PLA2R1: variants seen among roughly 807,000 people sequenced by gnomAD.
The protein encoded by PLA2R1 is secretory phospholipase A2 receptor.
A neutral mutation model predicts 195.9 loss-of-function variants in PLA2R1; 158 were observed. The ratio of observed to expected loss-of-function variants is 0.81; its 90% CI spans 0.71 to 0.92. The LOEUF is 0.92. Among genes scored for constraint, PLA2R1 ranks in the 40% least tolerant of loss-of-function variants. PLA2R1 has a pLI of 0.00. For missense variants in PLA2R1, 1,626 were observed against 1,764.6 expected (o/e 0.92, Z 1.41); for synonymous variants, 586 against 598.2 (o/e 0.98, Z 0.30).
chr2:160,028,453 T>C (rs1043843298), intron 5 of PLA2R1, 92 bp from the exon 6 acceptor site: 8 of 878,918 alleles, frequency 9.1e-6, no homozygotes, highest in Admixed American at 6.9e-5. Context: ...GGGGACAGCG[T>C]TTCTATTTGT....
At chr2:159,971,338 T>G (rs1689162530) in intron 17 of PLA2R1, among the ~76,000 whole-genome samples, 1 of 152,132 alleles carries the variant, frequency 6.6e-6, no homozygotes, top group South Asian at 2.1e-4. Context: ...AATAGAAGAC[T>G]TGAACAACAA....
intron 1 of PLA2R1, among the ~76,000 whole-genome samples, chr2:160,058,839 G>C (rs990653674): frequency 6.6e-6 from 1 of 152,170 alleles, no homozygotes; most frequent in African/African-American, 2.4e-5. Context: ...AGGCCAATGG[G>C]GTGGTGGGGT....
chr2:159,997,518 T>G (rs1358094090), intron 11 of PLA2R1, among the ~76,000 whole-genome samples: 1 of 152,078 alleles, frequency 6.6e-6, no homozygotes, highest in East Asian at 1.9e-4. Context: ...GCTGGAAGCA[T>G]TAGGCAATTT....
intron 6 of PLA2R1, among the ~76,000 whole-genome samples, chr2:160,024,681 T>C (rs1326202614): frequency 1.3e-5 from 2 of 152,166 alleles, no homozygotes; most frequent in South Asian, 2.1e-4. Flanking sequence ...CTGTGCCTTG[T>C]AGGGCTTGGC....
chr2:160,035,334 T>C (rs1359898709), intron 3 of PLA2R1, among the ~76,000 whole-genome samples: 1 of 152,168 alleles, frequency 6.6e-6, no homozygotes, highest in Non-Finnish European at 1.5e-5. Flanking sequence ...CTCTAAGGAC[T>C]GCTTTGGCAG....
At chr2:159,984,452 G>T (rs1466910776) in intron 12 of PLA2R1, among the ~76,000 whole-genome samples, 1 of 152,136 alleles carries the variant, frequency 6.6e-6, no homozygotes, top group African/African-American at 2.4e-5. Context: ...CTATAAACTG[G>T]CAGAGCTAGA....
downstream of PLA2R1, chr2:159,931,953 T>G (rs534226149): frequency 1.3e-5 from 2 of 152,358 alleles, no homozygotes; most frequent in South Asian, 4.1e-4. Flanking sequence ...TTTTTTGATT[T>G]CCTGACCAAC....
At chr2:160,037,561 T>C (rs997069487) in intron 3 of PLA2R1, among the ~76,000 whole-genome samples, 2 of 152,216 alleles carry the variant, frequency 1.3e-5, no homozygotes, top group African/African-American at 2.4e-5. Context: ...GGTTAGAGCA[T>C]GTGCCTGGTG....
chr2:159,967,310 TG>T (rs1688854560), intron 20 of PLA2R1, among the ~76,000 whole-genome samples: 1 of 152,078 alleles, frequency 6.6e-6, no homozygotes, highest in African/African-American at 2.4e-5. Flanking sequence ...ACAGTAAAAC[TG>T]AGTATAGAAA....
At chr2:160,050,873 T>C (rs556284085) in intron 1 of PLA2R1, among the ~76,000 whole-genome samples, 2 of 152,300 alleles carry the variant, frequency 1.3e-5, no homozygotes, top group South Asian at 4.1e-4. Context: ...TGGAGGTACC[T>C]AGAGGAAGTT....
intron 7 of PLA2R1, 70 bp from the exon 8 acceptor site, chr2:160,020,333 T>TC: frequency 1.0e-6 from 1 of 954,526 alleles, no homozygotes; most frequent in Non-Finnish European, 1.6e-6. Context: ...CCTGGAGTTA[T>TC]TACTAAAATA....
At chr2:160,028,827 G>C (rs1573929827) in intron 5 of PLA2R1, 23 bp downstream of exon 5, 4 of 1,415,616 alleles carry the variant, frequency 2.8e-6, no homozygotes, top group Non-Finnish European at 3.0e-6. Flanking sequence ...ACGTGACGAA[G>C]GCAAAGAAAA....
chr2:160,027,533 GA>G (rs1460919246), intron 6 of PLA2R1, among the ~76,000 whole-genome samples: 1 of 152,126 alleles, frequency 6.6e-6, no homozygotes, highest in African/African-American at 2.4e-5. Context: ...CCAATTCTAA[GA>G]GACAATATTT....
chr2:160,020,974 C>A (rs1484431136), intron 7 of PLA2R1, among the ~76,000 whole-genome samples: 1 of 152,084 alleles, frequency 6.6e-6, no homozygotes, highest in Non-Finnish European at 1.5e-5. Flanking sequence ...CTGCTAGAAC[C>A]ATGTATGTAT....
At chr2:160,062,088 G>C (rs986529187) in intron 1 of PLA2R1, among the ~76,000 whole-genome samples, 1 of 151,500 alleles carries the variant, frequency 6.6e-6, no homozygotes, top group Admixed American at 6.6e-5. Flanking sequence ...GCCGGGCCGC[G>C]CAAGTGGGGT....
chr2:160,053,552 G>A (rs1024896731), intron 1 of PLA2R1, among the ~76,000 whole-genome samples: 10 of 152,196 alleles, frequency 6.6e-5, no homozygotes, highest in African/African-American at 2.2e-4. Context: ...TACCTGGATT[G>A]AGGATATGTG....
chr2:159,929,897 T>C (rs1008915109), downstream of PLA2R1, among the ~76,000 whole-genome samples: 2 of 151,412 alleles, frequency 1.3e-5, no homozygotes, highest in African/African-American at 4.9e-5. Flanking sequence ...TGAATACTAA[T>C]CAGCCATAAA....
At chr2:159,955,558 A>G (rs944178096) in intron 22 of PLA2R1, 140 bp downstream of exon 22, 2 of 389,016 alleles carry the variant, frequency 5.1e-6, no homozygotes, top group Non-Finnish European at 8.7e-6. Flanking sequence ...ATAAAATTAC[A>G]TTAAAAATTA....
intron 13 of PLA2R1, among the ~76,000 whole-genome samples, chr2:159,981,247 G>C (rs1689931700): frequency 6.7e-6 from 1 of 149,376 alleles, no homozygotes; most frequent in Non-Finnish European, 1.5e-5. Flanking sequence ...GTGTGTGTCT[G>C]ATTAATAAAA....
Sources: gnomAD v4.1 joint callset for allele counts (sites outside exome capture counted in the v4.1 genomes callset) on GRCh38, gnomAD v4.1.1 for gene constraint, MANE v1.5 for transcripts, NCBI Gene and HGNC (gene_info 2026-07-23, HGNC 2026-07-21) for gene names.